The following PRDM5 variants were observed in gnomAD, a reference collection of about 807,000 sequenced individuals.
PRDM5 encodes PR/SET domain 5.
Under a neutral mutation model 81.2 loss-of-function variants are expected in PRDM5, and 56 were observed. That is an observed-to-expected ratio of 0.69 (90% confidence interval 0.56 to 0.86). The LOEUF (loss-of-function observed/expected upper bound fraction) is 0.86, where lower values mean the gene tolerates loss of function less well. Ranked by LOEUF, PRDM5 falls within the 40% of genes least tolerant of loss-of-function variation. The probability of loss-of-function intolerance (pLI) is 0.00; values close to 1 mark genes in which losing one functional copy is unlikely to be tolerated. For missense variants in PRDM5, 697 were observed against 770.1 expected (o/e 0.91, Z 1.12); for synonymous variants, 267 against 256.4 (o/e 1.04, Z -0.39).
At chr4:120,824,992 T>C (rs1755773029) in intron 3 of PRDM5, among the ~76,000 whole-genome samples, 1 of 152,120 alleles carries the variant, frequency 6.6e-6, no homozygotes, top group African/African-American at 2.4e-5. Flanking sequence ...ACTTTTGTAG[T>C]AAAAGATAAC....
In PRDM5 at chr4:120,919,847, A is replaced by T. The variant is rs564986775; in HGVS notation, c.93+2669T>A. Among the ~76,000 whole-genome samples, 15 of 152,298 alleles carry T rather than the reference A, an allele frequency of 9.8e-5. No individual in the cohort carries two copies. The East Asian group carries it at 2.7e-3, about 27-fold the overall frequency. On this transcript the variant is annotated intron_variant, in intron 1 of 15. Coordinates refer to ENST00000264808, the MANE Select transcript of PRDM5 (RefSeq NM_018699.4). ...TCCTTATTCTGATTATTAGCAAATC[A>T]CAATGTGTAAAAGTATGAATGAACT... is the stretch of plus-strand genomic sequence containing the variant.
intron 13 of PRDM5, among the ~76,000 whole-genome samples, chr4:120,769,981 T>C (rs1479206762): frequency 6.6e-6 from 1 of 151,960 alleles, no homozygotes; most frequent in Non-Finnish European, 1.5e-5. Context: ...ATCTACACGG[T>C]TGCTCTCATT....
At chr4:120,741,665 C>G (rs199757565) in intron 14 of PRDM5, among the ~76,000 whole-genome samples, 1 of 152,034 alleles carries the variant, frequency 6.6e-6, no homozygotes, top group South Asian at 2.1e-4. Context: ...AAAGGGGTGA[C>G]GGACAGCACC....
intron 2 of PRDM5, among the ~76,000 whole-genome samples, chr4:120,871,050 C>T (rs1761733944): frequency 6.6e-6 from 1 of 152,164 alleles, no homozygotes; most frequent in Non-Finnish European, 1.5e-5. Flanking sequence ...TCCAGCCTAT[C>T]CTTGAACACC....
chr4:120,885,343 G>A (rs73843644), intron 2 of PRDM5, among the ~76,000 whole-genome samples: 2 of 151,920 alleles, frequency 1.3e-5, no homozygotes, highest in Non-Finnish European at 2.9e-5. Flanking sequence ...AAGGTGAAGA[G>A]GTGGAAAAAA....
chr4:120,803,865 A>T (rs1752497468), intron 8 of PRDM5, among the ~76,000 whole-genome samples: 1 of 152,182 alleles, frequency 6.6e-6, no homozygotes, highest in Non-Finnish European at 1.5e-5. Context: ...ATTAACCTTA[A>T]ATGTAAATGG....
At position 120,702,725 on chromosome 4, in the gene PRDM5, A is replaced by T. The variant is rs1380690533; in HGVS notation, c.1729-7450T>A. Reference sequence around the variant, plus strand: ...TATCAATGGAGAGTATTTTCAAGTGAAAGAAATGCTAAATTGTTTTTATAA... The same window carrying T: ...TATCAATGGAGAGTATTTTCAAGTGTAAGAAATGCTAAATTGTTTTTATAA... On this transcript the variant is annotated intron_variant, in intron 15 of 15. Transcript: ENST00000264808. Among the ~76,000 whole-genome samples, 4 of 152,226 alleles carry T rather than the reference A, an allele frequency of 2.6e-5. 1 individual carries two copies. The highest frequency in any genetic ancestry group is 9.6e-5 in the African/African-American group (4 of 41,462).
At chr4:120,759,318 T>C (rs1745259052) in intron 13 of PRDM5, among the ~76,000 whole-genome samples, 1 of 152,220 alleles carries the variant, frequency 6.6e-6, no homozygotes, top group Non-Finnish European at 1.5e-5. Context: ...ATTTGAAAAC[T>C]ATAATGTGTA....
intron 2 of PRDM5, among the ~76,000 whole-genome samples, 160 bp from the exon 3 acceptor site, chr4:120,853,700 T>G (rs1759549538): frequency 6.6e-6 from 1 of 152,192 alleles, no homozygotes; most frequent in Admixed American, 6.5e-5. Context: ...CTTAAACACA[T>G]GTAGAAATAC....
chr4:120,842,906 G>C (rs1758184754), intron 3 of PRDM5, among the ~76,000 whole-genome samples: 1 of 152,076 alleles, frequency 6.6e-6, no homozygotes, highest in Non-Finnish European at 1.5e-5. Flanking sequence ...GCTTTGTTAG[G>C]TCACTAAATA....
Position 120,720,858 on chromosome 4 carries a change from T to G in PRDM5, c.1624-10445A>C, listed in dbSNP as rs75939349. On this transcript the variant is annotated intron_variant, in intron 14 of 15. Coordinates refer to ENST00000264808, the MANE Select transcript of PRDM5 (RefSeq NM_018699.4). The stretch of plus-strand genomic sequence containing the variant: ...AACACATCCATAATTGGTTTTGCAT[T>G]GTAGCTAATGAAAAACACACTTCTA... Among the ~76,000 whole-genome samples the G allele has an allele frequency of 1.5e-3, 235 of 152,324 alleles. 7 individuals are homozygous for G. In the East Asian group the frequency reaches 0.037, roughly 24 times the overall value.
Position 120,821,246 on chromosome 4 carries a change from C to T in PRDM5, c.400G>A (p.Glu134Lys), listed in dbSNP as rs765109288. The change falls in exon 4 of 16, where the codon GAA (glutamate) becomes AAA (lysine). Residue 134 changes from glutamate (E) to lysine (K), a missense_variant. Transcript: ENST00000264808. ...LDSDMEAEEEEQQIMTVIKEG... is the reference protein window; with the variant it reads ...LDSDMEAEEEKQQIMTVIKEG... ...TTGATGACTGTCATAATTTGCTGTT[C>T]TTCCTCCTCAGCCTCCATGTCACTA... 9 of 1,614,034 alleles carry T rather than the reference C, an allele frequency of 5.6e-6. No individual in the cohort carries two copies. In the South Asian group the frequency reaches 9.9e-5, roughly 18 times the overall value.
intron 3 of PRDM5, among the ~76,000 whole-genome samples, chr4:120,829,697 T>A (rs911720709): frequency 6.6e-6 from 1 of 152,092 alleles, no homozygotes; most frequent in Non-Finnish European, 1.5e-5. Context: ...AGAAAAACCA[T>A]GATTGTGAAA....
At chr4:120,741,560 G>A (rs1741964987) in intron 14 of PRDM5, among the ~76,000 whole-genome samples, 1 of 151,908 alleles carries the variant, frequency 6.6e-6, no homozygotes. Context: ...GCGCAGGTCA[G>A]TGGGTGCGCG....
chr4:120,785,151 G>T (rs576192368), intron 10 of PRDM5, 60 bp from the exon 11 acceptor site: 13 of 1,288,938 alleles, frequency 1.0e-5, no homozygotes, highest in Non-Finnish European at 1.2e-5. Context: ...TACAATGAAC[G>T]AGTGGAGCTT....
intron 15 of PRDM5, among the ~76,000 whole-genome samples, chr4:120,709,498 A>G (rs1165569671): frequency 6.6e-6 from 1 of 152,110 alleles, no homozygotes; most frequent in Non-Finnish European, 1.5e-5. Flanking sequence ...TGTGTTTGTG[A>G]GTTTCCTTTC....
rs761027478 is a variant in PRDM5, at chr4:120,853,471, G to T, written c.247C>A (p.Arg83Ser). 1.2e-6 allele frequency: 2 copies of T among 1,613,642 alleles called. No homozygotes were observed. The highest frequency in any genetic ancestry group is 1.7e-6 in the Non-Finnish European group (2 of 1,179,760). The stretch of plus-strand genomic sequence containing the variant: ...TGAGATGGTGCCTCATGAACGAAGC[G>T]AAGCCAGTTGGAGTGCCGTGGGTTG... The part of the protein sequence containing the change: ...ATNPRHSNWL[R>S]FVHEAPSQEQ... Residue 83 changes from arginine to serine, a missense_variant, in exon 3 of 16, where the codon CGC becomes AGC. Arg to Ser is a moderately radical substitution (Grantham distance 110). Transcript: ENST00000264808.
chr4:120,704,872 G>A (rs116641644), intron 15 of PRDM5, among the ~76,000 whole-genome samples: 8 of 152,124 alleles, frequency 5.3e-5, no homozygotes, highest in Non-Finnish European at 8.8e-5. Context: ...TACTGTGAGC[G>A]TGAAGAACAT....
At chr4:120,790,334 T>A (rs770210240) in intron 10 of PRDM5, among the ~76,000 whole-genome samples, 10 of 152,212 alleles carry the variant, frequency 6.6e-5, no homozygotes, top group Admixed American at 1.3e-4. Flanking sequence ...TTCACAGAAA[T>A]AACCAGATAA....
Sources: allele counts gnomAD v4.1 joint callset (sites outside exome capture counted in the v4.1 genomes callset), GRCh38; gene constraint gnomAD v4.1.1; transcripts MANE v1.5; gene names NCBI Gene and HGNC (gene_info 2026-07-23, HGNC 2026-07-21).